Variants in ZBTB7C observed in about 807,000 individuals in gnomAD.
The protein encoded by ZBTB7C is zinc finger and BTB domain-containing protein 7C.
ZBTB7C carries 8 observed loss-of-function variants against 25.7 expected under a neutral mutation model. That is an observed-to-expected ratio of 0.31 (90% confidence interval 0.18 to 0.56). The LOEUF is 0.56. Ranked by LOEUF, ZBTB7C falls within the 20% of genes least tolerant of loss-of-function variation. The probability of loss-of-function intolerance (pLI) is 0.91; values close to 1 mark genes in which losing one functional copy is unlikely to be tolerated. For missense variants in ZBTB7C, 824 were observed against 855.2 expected (o/e 0.96, Z 0.46); for synonymous variants, 394 against 369.0 (o/e 1.07, Z -0.78).
At chr18:48,322,677 C>T (rs960617487) in intron 2 of ZBTB7C, among the ~76,000 whole-genome samples, 7 of 152,144 alleles carry the variant, frequency 4.6e-5, no homozygotes, top group Non-Finnish European at 1.0e-4. Context: ...CCATTTGATC[C>T]AGCAATTCCA....
chr18:48,322,867 A>G (rs2046131287), intron 2 of ZBTB7C, among the ~76,000 whole-genome samples: 1 of 152,284 alleles, frequency 6.6e-6, no homozygotes, highest in Non-Finnish European at 1.5e-5. Context: ...CTACTCAGCC[A>G]TAAAAAGGAA....
At chr18:48,272,181 A>G (rs1269206086) in intron 2 of ZBTB7C, among the ~76,000 whole-genome samples, 3 of 152,220 alleles carry the variant, frequency 2.0e-5, no homozygotes, top group South Asian at 2.1e-4. Context: ...TTAACATTTG[A>G]ATCAGTAGAC....
chr18:48,407,886 C>A (rs2048318044), intron 1 of ZBTB7C, among the ~76,000 whole-genome samples: 1 of 152,130 alleles, frequency 6.6e-6, no homozygotes. Context: ...ATAATGATTT[C>A]TTTCAGCCCA....
chr18:48,071,906 T>C (rs1487334825), intron 3 of ZBTB7C, among the ~76,000 whole-genome samples: 1 of 152,210 alleles, frequency 6.6e-6, no homozygotes, highest in African/African-American at 2.4e-5. Context: ...CAAACACTGA[T>C]TCTGCTTCTT....
At chr18:48,202,627 C>T (rs1206539412) in intron 2 of ZBTB7C, among the ~76,000 whole-genome samples, 1 of 152,076 alleles carries the variant, frequency 6.6e-6, no homozygotes, top group African/African-American at 2.4e-5. Context: ...CTGCTCAGAT[C>T]CTCAGTGGGG....
intron 3 of ZBTB7C, among the ~76,000 whole-genome samples, chr18:48,173,511 A>T (rs1394620612): frequency 6.6e-6 from 1 of 152,162 alleles, no homozygotes; most frequent in Non-Finnish European, 1.5e-5. Flanking sequence ...CTCAGGGCCT[A>T]TGATACGTCC....
chr18:48,257,465 A>C (rs1254643566), intron 2 of ZBTB7C, among the ~76,000 whole-genome samples: 2 of 152,152 alleles, frequency 1.3e-5, no homozygotes, highest in Non-Finnish European at 2.9e-5. Flanking sequence ...CTTCACTGGT[A>C]AATTCTACTA....
intron 3 of ZBTB7C, among the ~76,000 whole-genome samples, chr18:48,095,922 A>G (rs2038613489): frequency 6.6e-6 from 1 of 152,110 alleles, no homozygotes; most frequent in African/African-American, 2.4e-5. Context: ...TGTGGAACCC[A>G]GTAACGTATG....
At chr18:48,098,228 T>C (rs974846424) in intron 3 of ZBTB7C, among the ~76,000 whole-genome samples, 1 of 152,196 alleles carries the variant, frequency 6.6e-6, no homozygotes, top group African/African-American at 2.4e-5. Context: ...GGCAGAGATG[T>C]ACAGGATGCA....
intron 1 of ZBTB7C, among the ~76,000 whole-genome samples, chr18:48,371,596 TGGGCAG>T (rs2047389655): frequency 1.3e-5 from 2 of 152,172 alleles, no homozygotes; most frequent in African/African-American, 4.8e-5. Context: ...GAGTGGGAGC[TGGGCAG>T]GAGGACTTCC....
chr18:48,121,431 G>A (rs1454028315), intron 3 of ZBTB7C, among the ~76,000 whole-genome samples: 2 of 149,566 alleles, frequency 1.3e-5, no homozygotes, highest in Admixed American at 1.3e-4. Flanking sequence ...TGCACTTACT[G>A]TACCAAAATA....
chr18:48,189,274 G>C (rs756561231), intron 2 of ZBTB7C, among the ~76,000 whole-genome samples: 4 of 152,176 alleles, frequency 2.6e-5, no homozygotes, highest in Non-Finnish European at 5.9e-5. Flanking sequence ...AGCATTTACA[G>C]ATTTTATTAA....
At chr18:48,176,152 C>A (rs995402141) in intron 3 of ZBTB7C, among the ~76,000 whole-genome samples, 1 of 152,206 alleles carries the variant, frequency 6.6e-6, no homozygotes. Flanking sequence ...CCAATGAGGG[C>A]CTCCTGATGA....
intron 3 of ZBTB7C, among the ~76,000 whole-genome samples, chr18:48,098,657 T>C (rs1043321911): frequency 1.6e-4 from 25 of 152,220 alleles, no homozygotes; most frequent in Admixed American, 1.6e-3. Context: ...AAGGATTTCA[T>C]ATCTGGTTCC....
chr18:48,098,755 T>C (rs2038729253), intron 3 of ZBTB7C, among the ~76,000 whole-genome samples: 2 of 152,168 alleles, frequency 1.3e-5, no homozygotes, highest in Admixed American at 6.5e-5. Context: ...ACATGTGACA[T>C]AGGACAGCCA....
Position 48,348,740 on chromosome 18 carries a change from C to T in ZBTB7C, c.-303-10342G>A, listed in dbSNP as rs187548673. 3.3e-5 allele frequency among the ~76,000 whole-genome samples: 5 copies of T among 152,370 alleles called. No individual in the cohort carries two copies. In the East Asian group the frequency reaches 9.6e-4, roughly 29 times the overall value. ...GCTGAGGCAGGAGAATAGCTTCAAC[C>T]TGGGAGGCAGAGGTTGCAGTGAGCT... On this transcript the variant is annotated intron_variant, in intron 1 of 4. Transcript: ENST00000590800.
chr18:48,316,550 T>C lies in ZBTB7C; in HGVS notation c.-79+21624A>G, dbSNP rs112160607. Among the ~76,000 whole-genome samples the C allele has an allele frequency of 6.5e-3, 985 of 152,370 alleles. 12 individuals carry two copies. The highest frequency in any genetic ancestry group is 0.023 in the African/African-American group (943 of 41,590). ...GGGAGTGGATTTCTCATGAATGGCT[T>C]GGTGCCATGCCCTTGGCAATGAGTG... On this transcript the variant is annotated intron_variant, in intron 2 of 4. Transcript: ENST00000590800.
intron 2 of ZBTB7C, among the ~76,000 whole-genome samples, chr18:48,242,539 T>C (rs2043557488): frequency 6.6e-6 from 1 of 152,158 alleles, no homozygotes; most frequent in Non-Finnish European, 1.5e-5. Flanking sequence ...GCAGGGATGG[T>C]TTAATATACA....
chr18:48,092,744 C>A (rs2038466357), intron 3 of ZBTB7C, among the ~76,000 whole-genome samples: 1 of 152,216 alleles, frequency 6.6e-6, no homozygotes, highest in African/African-American at 2.4e-5. Context: ...CCTCGAAAGA[C>A]TGGTGGAGAA....
Sources: gnomAD v4.1 joint callset for allele counts (sites outside exome capture counted in the v4.1 genomes callset) on GRCh38, gnomAD v4.1.1 for gene constraint, MANE v1.5 for transcripts, NCBI Gene and HGNC (gene_info 2026-07-23, HGNC 2026-07-21) for gene names.